The following RHD variants were observed in gnomAD, a reference collection of about 807,000 sequenced individuals.
RHD encodes the protein blood group Rh(D) polypeptide.
Under a neutral mutation model 45.5 loss-of-function variants are expected in RHD, and 16 were observed. The ratio of observed to expected loss-of-function variants is 0.35; its 90% confidence interval spans 0.24 to 0.53. The LOEUF is 0.53. RHD is among the 20% of genes least tolerant of loss of function. The pLI is 0.92. For missense variants in RHD, 306 were observed against 532.0 expected (o/e 0.58, Z 4.18); for synonymous variants, 131 against 217.5 (o/e 0.60, Z 3.50).
At position 25,300,424 on chromosome 1, in the gene RHD, A is replaced by T. The variant is rs556068265; in HGVS notation, c.487-522A>T. ...CTACTCAGGAGGCTGAGGTGGGAGG[A>T]TTGCTTGAGCCTGGGAGTTGGAGAC... On this transcript the variant is annotated intron_variant, in intron 3 of 9. Coordinates refer to ENST00000328664, the MANE Select transcript of RHD (RefSeq NM_016124.6). 1.0e-4 allele frequency among the ~76,000 whole-genome samples: 13 copies of T among 126,506 alleles called. 3 individuals are homozygous for T. The highest frequency in any genetic ancestry group is 1.5e-4 in the Non-Finnish European group (8 of 54,406). 83.0% of individuals were successfully genotyped at this position (126,506 alleles called of 152,430 possible).
Position 25,311,872 on chromosome 1 carries a change from G to A in RHD, c.1074-5128G>A, listed in dbSNP as rs1340371576. On this transcript the variant is annotated intron_variant, in intron 7 of 9. Coordinates refer to ENST00000328664, the MANE Select transcript of RHD (RefSeq NM_016124.6). Reference sequence around the variant, plus strand: ...GTGTGCAGAATGCAAAAGCTGAGGGGGCATGCCTTCTTCCACCTACATTTC... The same window carrying A: ...GTGTGCAGAATGCAAAAGCTGAGGGAGCATGCCTTCTTCCACCTACATTTC... 3.0e-5 allele frequency among the ~76,000 whole-genome samples: 4 copies of A among 131,276 alleles called. 1 individual carries two copies. Among genetic ancestry groups the A allele is most frequent in the Non-Finnish European group, 7.2e-5 (4 of 55,906 alleles). 86.1% of individuals were successfully genotyped at this position (131,276 alleles called of 152,430 possible). A position where few individuals can be genotyped will look rare whatever the true frequency, so the allele number is the denominator to read the frequency against.
chr1:25,276,485 G>A (rs1158750236), intron 1 of RHD, among the ~76,000 whole-genome samples: 2 of 109,098 alleles, frequency 1.8e-5, no homozygotes, highest in East Asian at 2.1e-4. Context: ...TTAAACCAAG[G>A]AGTTCAAGAC....
At position 25,306,309 on chromosome 1, in the gene RHD, A is replaced by G. The variant is rs150164545; in HGVS notation, c.940-287A>G. 2.4e-3 allele frequency among the ~76,000 whole-genome samples: 311 copies of G among 131,348 alleles called. 50 individuals are homozygous for G. The highest frequency in any genetic ancestry group is 7.7e-3 in the African/African-American group (294 of 38,178). The allele number at this position is 131,348 out of a possible 152,430, so 86.2% of individuals were successfully genotyped here. A position where few individuals can be genotyped will look rare whatever the true frequency, so the allele number is the denominator to read the frequency against. On this transcript the variant is annotated intron_variant, in intron 6 of 9. Transcript: ENST00000328664. ...AAATTGTGAACAGTGTCTACACTAG[A>G]CCCTTGCTACTCATAGTGTGGTCCG...
Position 25,291,116 on chromosome 1 carries a change from C to T in RHD, c.486+325C>T, listed in dbSNP as rs1366102549. The stretch of plus-strand genomic sequence containing the variant: ...GACCGAGCTGGGCAACATAGCAAGA[C>T]CTCATCTCTAAATAAATAGGTAGGT... On this transcript the variant is annotated intron_variant, in intron 3 of 9. Coordinates refer to ENST00000328664, the MANE Select transcript of RHD (RefSeq NM_016124.6). 3.1e-5 allele frequency among the ~76,000 whole-genome samples: 4 copies of T among 129,500 alleles called. 1 individual carries two copies. The highest frequency in any genetic ancestry group is 1.1e-4 in the African/African-American group (4 of 37,420). The allele number at this position is 129,500 out of a possible 152,430, so 85.0% of individuals were successfully genotyped here.
At chr1:25,314,584 C>A (rs1644337557) in intron 7 of RHD, among the ~76,000 whole-genome samples, 1 of 133,014 alleles carries the variant, frequency 7.5e-6, no homozygotes, top group East Asian at 1.9e-4. Flanking sequence ...ACCTCTGCCT[C>A]CCAGCTTCAA....
At chr1:25,324,547 A>T (rs1644870222) in intron 9 of RHD, among the ~76,000 whole-genome samples, 2 of 152,270 alleles carry the variant, frequency 1.3e-5, no homozygotes, top group Admixed American at 6.5e-5. Context: ...TTTAAAGATC[A>T]AGTGAGGTAA....
In RHD at chr1:25,302,543, C is replaced by T. The variant is rs1186109025; in HGVS notation, c.802-779C>T. Among the ~76,000 whole-genome samples, 18 of 129,306 alleles carry T rather than the reference C, an allele frequency of 1.4e-4. 3 individuals carry two copies. Among genetic ancestry groups the T allele is most frequent in the African/African-American group, 2.4e-4 (9 of 37,554 alleles). 84.8% of individuals were successfully genotyped at this position (129,306 alleles called of 152,430 possible). ...GGAGTGGGTGTCAACTCAGGGAAGCCCAGAGGCTAATCCTAGGTGAGAGCT... is the reference window on the plus strand; with the variant it reads ...GGAGTGGGTGTCAACTCAGGGAAGCTCAGAGGCTAATCCTAGGTGAGAGCT... On this transcript the variant is annotated intron_variant, in intron 5 of 9. Coordinates refer to ENST00000328664, the MANE Select transcript of RHD (RefSeq NM_016124.6).
In RHD at chr1:25,277,021, T is replaced by C. The variant is rs764730978; in HGVS notation, c.148+4326T>C. On this transcript the variant is annotated intron_variant, in intron 1 of 9. Transcript: ENST00000328664. ...GGCGGAGCTTTCAGTGAGCTGAGATTACGCCACTGCACTCCAGCCTGGGCA... is the reference window on the plus strand; with the variant it reads ...GGCGGAGCTTTCAGTGAGCTGAGATCACGCCACTGCACTCCAGCCTGGGCA... Among the ~76,000 whole-genome samples, 16 of 131,838 alleles carry C rather than the reference T, an allele frequency of 1.2e-4. 5 individuals carry two copies. Among genetic ancestry groups the C allele is most frequent in the Non-Finnish European group, 2.5e-4 (14 of 55,676 alleles). 86.5% of individuals were successfully genotyped at this position (131,838 alleles called of 152,430 possible). A position where few individuals can be genotyped will look rare whatever the true frequency, so the allele number is the denominator to read the frequency against.
intron 6 of RHD, among the ~76,000 whole-genome samples, chr1:25,304,022 G>A (rs1571680977): frequency 2.4e-5 from 2 of 84,150 alleles, no homozygotes; most frequent in East Asian, 4.5e-4. Context: ...TGGATGATGT[G>A]AGAGGAGCAG....
intron 3 of RHD, chr1:25,294,070 A>C (rs377321534): frequency 4.4e-6 from 3 of 687,216 alleles, no homozygotes. Context: ...CAATGGGCTT[A>C]TCTGTTATTT....
chr1:25,307,580 C>T, intron 7 of RHD: 1 of 704,734 alleles, frequency 1.4e-6, no homozygotes, highest in East Asian at 2.6e-5. Flanking sequence ...CTTGAATTCT[C>T]ACAACCGCCT....
At position 25,308,508 on chromosome 1, in the gene RHD, CA is replaced by C. The variant is rs1303281320; in HGVS notation, c.1073+1782del. 8.5e-4 allele frequency among the ~76,000 whole-genome samples: 112 copies of C among 132,086 alleles called. 9 individuals carry two copies. The highest frequency in any genetic ancestry group is 4.3e-3 in the East Asian group (22 of 5,128). The allele number at this position is 132,086 out of a possible 152,430, so 86.7% of individuals were successfully genotyped here. On this transcript the variant is annotated intron_variant, in intron 7 of 9. Transcript: ENST00000328664. ...GTTTTCTGGTAAAGGATTAACTTAA[CA>C]AACTGGCTTTCCAAGAAAATAAAGC...
chr1:25,320,005 T>A (rs1433719935), intron 8 of RHD, among the ~76,000 whole-genome samples: 1 of 131,436 alleles, frequency 7.6e-6, no homozygotes, highest in African/African-American at 2.6e-5. Context: ...TTCAAGTGAT[T>A]CTCCTGCCTC....
At position 25,290,600 on chromosome 1, in the gene RHD, C is replaced by G; in HGVS notation, c.336-41C>G. 2.3e-6 allele frequency: 3 copies of G among 1,309,918 alleles called. 1 individual carries two copies. Among genetic ancestry groups the G allele is most frequent in the Non-Finnish European group, 3.3e-6 (3 of 915,626 alleles). The allele number at this position is 1,309,918 out of a possible 1,614,324, so 81.1% of individuals were successfully genotyped here. A position where few individuals can be genotyped will look rare whatever the true frequency, so the allele number is the denominator to read the frequency against. On this transcript the variant is annotated intron_variant, in intron 2 of 9. Transcript: ENST00000328664. The stretch of plus-strand genomic sequence containing the variant: ...GAATGAATGAATGAGTGAGAGGCAT[C>G]CTTCCTTCTCAGTCGTCCTGGCTCT...
chr1:25,300,856 G>A, intron 3 of RHD, 90 bp from the exon 4 acceptor site: 2 of 1,286,146 alleles, frequency 1.6e-6, no homozygotes, highest in Non-Finnish European at 2.2e-6. Flanking sequence ...CACCTCCTAA[G>A]TGAAGCTCTG....
At position 25,315,489 on chromosome 1, in the gene RHD, TTTTC is replaced by T. The variant is rs1029330227; in HGVS notation, c.1074-1499_1074-1496del. On this transcript the variant is annotated intron_variant, in intron 7 of 9. Transcript: ENST00000328664. ...TTTTTATCTTTTTAATTTATTTTTCTTTTCTTTCTTTCTTTTTTTTTTTTTGAGA... is the reference window on the plus strand; with the variant it reads ...TTTTTATCTTTTTAATTTATTTTTCTTTTCTTTCTTTTTTTTTTTTTGAGA... Among the ~76,000 whole-genome samples the T allele has an allele frequency of 1.8e-4, 23 of 125,008 alleles. 3 individuals are homozygous for T. The highest frequency in any genetic ancestry group is 1.4e-3 in the East Asian group (7 of 5,086). The allele number at this position is 125,008 out of a possible 152,430, so 82.0% of individuals were successfully genotyped here.
intron 1 of RHD, among the ~76,000 whole-genome samples, chr1:25,282,827 G>A (rs1178870683): frequency 1.5e-5 from 2 of 129,866 alleles, no homozygotes; most frequent in African/African-American, 2.6e-5. Flanking sequence ...CCCGGGAGGT[G>A]GAGGTTGCAG....
Position 25,308,001 on chromosome 1 carries a change from C to T in RHD, c.1073+1272C>T, listed in dbSNP as rs1448146443. On this transcript the variant is annotated intron_variant, in intron 7 of 9. Transcript: ENST00000328664. Reference sequence around the variant, plus strand: ...GAGGACTTGACCTAGCAAGGTCCTACTCACATGCCTGTAGAGAACAGGCAG... The same window carrying T: ...GAGGACTTGACCTAGCAAGGTCCTATTCACATGCCTGTAGAGAACAGGCAG... 2.6e-5 allele frequency among the ~76,000 whole-genome samples: 3 copies of T among 113,486 alleles called. 1 individual carries two copies. The highest frequency in any genetic ancestry group is 6.2e-5 in the Non-Finnish European group (3 of 48,146). The allele number at this position is 113,486 out of a possible 152,430, so 74.5% of individuals were successfully genotyped here. A position where few individuals can be genotyped will look rare whatever the true frequency, so the allele number is the denominator to read the frequency against.
intron 1 of RHD, among the ~76,000 whole-genome samples, chr1:25,274,998 GA>G (rs1476457925): frequency 7.6e-6 from 1 of 131,130 alleles, no homozygotes; most frequent in African/African-American, 2.6e-5. Context: ...AAACAAAGAG[GA>G]GAGCAGGGAC....
Sources: gnomAD v4.1 joint callset for allele counts (sites outside exome capture counted in the v4.1 genomes callset) on GRCh38, gnomAD v4.1.1 for gene constraint, MANE v1.5 for transcripts, NCBI Gene and HGNC (gene_info 2026-07-23, HGNC 2026-07-21) for gene names.